RIMS1: variants seen among roughly 807,000 people sequenced by gnomAD.
RIMS1 encodes regulating synaptic membrane exocytosis protein 1.
In RIMS1, 83 loss-of-function variants were observed where a neutral mutation model predicts 214.1. That is an observed-to-expected ratio of 0.39 (90% CI 0.32 to 0.47). The LOEUF (loss-of-function observed/expected upper bound fraction) is 0.47, where lower values mean the gene tolerates loss of function less well. RIMS1 is among the 20% of genes least tolerant of loss of function. The pLI, the probability that RIMS1 is intolerant of heterozygous loss-of-function variation, is 0.99. For synonymous variants in RIMS1, 793 were observed against 786.8 expected (o/e 1.01, Z -0.13); for missense variants, 2,050 against 2,161.8 (o/e 0.95, Z 1.03).
chr6:72,147,362 T>C (rs2042894993), intron 4 of RIMS1, among the ~76,000 whole-genome samples: 2 of 152,232 alleles, frequency 1.3e-5, no homozygotes, highest in South Asian at 2.1e-4. Flanking sequence ...ATTGGATTAC[T>C]GGCCTCAGGG....
chr6:71,949,977 T>C (rs1788952112), intron 1 of RIMS1, among the ~76,000 whole-genome samples: 1 of 152,126 alleles, frequency 6.6e-6, no homozygotes, highest in African/African-American at 2.4e-5. Flanking sequence ...CATCACCTGG[T>C]AAATGAATAA....
intron 1 of RIMS1, among the ~76,000 whole-genome samples, chr6:71,904,982 C>T (rs1219697965): frequency 2.6e-5 from 4 of 151,964 alleles, no homozygotes; most frequent in Non-Finnish European, 4.4e-5. Context: ...GTAAATAAGA[C>T]AATATAGCAG....
At chr6:71,997,308 AGAT>A (rs1390416098) in intron 2 of RIMS1, among the ~76,000 whole-genome samples, 1 of 152,220 alleles carries the variant, frequency 6.6e-6, no homozygotes, top group Admixed American at 6.5e-5. Flanking sequence ...TTTATAAACT[AGAT>A]GATAACTATA....
chr6:72,021,102 A>T (rs1814515358), intron 2 of RIMS1, among the ~76,000 whole-genome samples: 1 of 152,246 alleles, frequency 6.6e-6, no homozygotes, highest in South Asian at 2.1e-4. Flanking sequence ...AGATAGATAA[A>T]AGTTAATGAT....
At chr6:72,366,954 A>G in intron 29 of RIMS1, 1 of 625,182 alleles carries the variant, frequency 1.6e-6, no homozygotes, top group Non-Finnish European at 2.0e-6. Flanking sequence ...CCAAAAGCCA[A>G]ATTTCTATAT....
intron 2 of RIMS1, among the ~76,000 whole-genome samples, chr6:72,066,807 C>A (rs1459501933): frequency 6.6e-6 from 1 of 152,084 alleles, no homozygotes; most frequent in Non-Finnish European, 1.5e-5. Context: ...CTTGAATTTT[C>A]TCCCTCAAAT....
At chr6:72,321,550 A>G (rs2096166297) in intron 28 of RIMS1, among the ~76,000 whole-genome samples, 1 of 152,050 alleles carries the variant, frequency 6.6e-6, no homozygotes, top group Non-Finnish European at 1.5e-5. Context: ...TTACACCATT[A>G]TCCACCCAGT....
At chr6:71,939,100 T>C (rs1361372689) in intron 1 of RIMS1, among the ~76,000 whole-genome samples, 1 of 152,208 alleles carries the variant, frequency 6.6e-6, no homozygotes, top group African/African-American at 2.4e-5. Flanking sequence ...ATGCACTCCA[T>C]AAATTCCTAG....
chr6:72,071,983 A>T (rs572188084), intron 2 of RIMS1, among the ~76,000 whole-genome samples: 1 of 152,332 alleles, frequency 6.6e-6, no homozygotes, highest in Non-Finnish European at 1.5e-5. Flanking sequence ...GGGTAATGCC[A>T]GTTATGGAGA....
intron 10 of RIMS1, among the ~76,000 whole-genome samples, chr6:72,243,637 T>C (rs1236386896): frequency 1.3e-5 from 2 of 151,782 alleles, no homozygotes; most frequent in African/African-American, 4.8e-5. Context: ...CCAAATACTT[T>C]CAAATATATA....
At chr6:72,148,666 C>A (rs778846905) in intron 4 of RIMS1, 1 of 455,762 alleles carries the variant, frequency 2.2e-6, no homozygotes, top group African/African-American at 2.0e-5. Context: ...CTATGTTGTG[C>A]CCCTAGACTT....
chr6:72,393,738 A>G (rs1337197266), intron 31 of RIMS1, among the ~76,000 whole-genome samples: 3 of 152,136 alleles, frequency 2.0e-5, no homozygotes, highest in Non-Finnish European at 2.9e-5. Flanking sequence ...AAGAAAAAAA[A>G]AAAAATCAGA....
intron 19 of RIMS1, 195 bp downstream of exon 19, chr6:72,260,962 G>T (rs866606860): frequency 7.3e-7 from 1 of 1,376,306 alleles, no homozygotes; most frequent in African/African-American, 1.5e-5. Flanking sequence ...CAGGCTGACT[G>T]CTTTGCCATC....
Position 72,266,041 on chromosome 6 carries a change from A to G in RIMS1, c.3390A>G (p.Glu1130=). 6.4e-7 allele frequency: 1 copy of G among 1,572,810 alleles called. No homozygotes were observed. Among genetic ancestry groups the G allele is most frequent in the Non-Finnish European group, 8.6e-7 (1 of 1,156,342 alleles). ...CAGATACTAGTTTGCATTCACCAGA[A>G]CGAGAAAGGTATAAAATAAAGACTT... ...LRPDTSLHSP[E]RERGRWSPSL... is the part of the protein sequence containing the mutation. Residue 1130 remains glutamate (E), a synonymous_variant, in exon 22 of 34, where the codon GAA becomes GAG. Transcript: ENST00000521978.
chr6:72,009,043 A>G (rs1317138901), intron 2 of RIMS1, among the ~76,000 whole-genome samples: 1 of 152,220 alleles, frequency 6.6e-6, no homozygotes, highest in Non-Finnish European at 1.5e-5. Context: ...ACCACACCAC[A>G]TTCATTCCAA....
chr6:72,102,239 A>T (rs1004627149), intron 4 of RIMS1, among the ~76,000 whole-genome samples: 11 of 151,978 alleles, frequency 7.2e-5, no homozygotes, highest in African/African-American at 2.2e-4. Flanking sequence ...TTTTTTAGTA[A>T]GGATGATTGG....
rs901741970 is a variant in RIMS1, at chr6:72,157,691, A to G, written c.472-21884A>G. Among the ~76,000 whole-genome samples the G allele has an allele frequency of 1.4e-5, 2 of 140,144 alleles. 1 individual carries two copies. The highest frequency in any genetic ancestry group is 3.2e-5 in the Non-Finnish European group (2 of 61,622). 91.9% of individuals were successfully genotyped at this position (140,144 alleles called of 152,430 possible). The stretch of plus-strand genomic sequence containing the variant: ...CTAGTAGTCTTTCTTCTAATTAGCA[A>G]ATCATTGGCTTAGGTTGTTTACACA... On this transcript the variant is annotated intron_variant, in intron 4 of 33. Coordinates refer to ENST00000521978, the MANE Select transcript of RIMS1 (RefSeq NM_014989.7).
intron 29 of RIMS1, among the ~76,000 whole-genome samples, chr6:72,347,740 A>C (rs903387218): frequency 3.9e-5 from 6 of 151,904 alleles, no homozygotes; most frequent in African/African-American, 1.4e-4. Context: ...TGCTCTACCC[A>C]GAAAATTCTT....
intron 2 of RIMS1, among the ~76,000 whole-genome samples, chr6:72,004,016 C>T (rs1421533621): frequency 2.2e-5 from 2 of 92,374 alleles, no homozygotes; most frequent in African/African-American, 8.7e-5. Context: ...CTATCCCTCC[C>T]CCCTCCCCCC....
Sources: gnomAD v4.1 joint callset for allele counts (sites outside exome capture counted in the v4.1 genomes callset) on GRCh38, gnomAD v4.1.1 for gene constraint, MANE v1.5 for transcripts, NCBI Gene and HGNC (gene_info 2026-07-23, HGNC 2026-07-21) for gene names.